Variants in EXOC2 observed in about 807,000 individuals in gnomAD.
EXOC2 encodes the protein SEC5-like 1.
A neutral mutation model predicts 131.8 loss-of-function variants in EXOC2; 70 were observed. The ratio of observed to expected loss-of-function variants is 0.53; its 90% CI spans 0.44 to 0.65. The LOEUF (loss-of-function observed/expected upper bound fraction) is 0.65. Among genes scored for constraint, EXOC2 ranks in the 30% least tolerant of loss-of-function variants. EXOC2 has a pLI of 0.00. For missense variants in EXOC2, 923 were observed against 1,108.6 expected, an observed-to-expected ratio of 0.83 and a Z score of 2.38; for synonymous variants, 411 against 398.4, an observed-to-expected ratio of 1.03 and a Z score of -0.38.
At chr6:607,083 G>A (rs975245536) in intron 7 of EXOC2, among the ~76,000 whole-genome samples, 1 of 152,142 alleles carries the variant, frequency 6.6e-6, no homozygotes, top group East Asian at 1.9e-4. Flanking sequence ...TTTACACAGC[G>A]ACGTGTGAAT....
chr6:501,661 CT>C (rs1451189512), intron 23 of EXOC2, among the ~76,000 whole-genome samples: 8 of 104,776 alleles, frequency 7.6e-5, no homozygotes, highest in Non-Finnish European at 1.3e-4. Flanking sequence ...ATAGATATAT[CT>C]ATCTATAAAA....
At position 572,533 on chromosome 6, in the gene EXOC2, C is replaced by T. The variant is rs770739603; in HGVS notation, c.1430G>A (p.Ser477Asn). ...CCGTATACACACCTCACTGAAGAGGCTTCCATTAACGTAGGAGATCCAGAG... is the reference window on the plus strand; with the variant it reads ...CCGTATACACACCTCACTGAAGAGGTTTCCATTAACGTAGGAGATCCAGAG... Reference protein sequence around the residue: ...WKLWISYVNGSLFSETAEKSG... With the variant: ...WKLWISYVNGNLFSETAEKSG... Residue 477 changes from serine (S) to asparagine (N), a missense_variant, in exon 13 of 28, where the codon AGC becomes AAC. By Grantham distance (46) the Ser-to-Asn change is conservative (BLOSUM62 1). Transcript: ENST00000230449. The T allele has an allele frequency of 1.9e-6, 3 of 1,614,006 alleles. No individual in the cohort carries two copies. Among genetic ancestry groups the T allele is most frequent in the Non-Finnish European group, 2.5e-6 (3 of 1,179,958 alleles).
chr6:619,271 C>A (rs1332756328), intron 5 of EXOC2, among the ~76,000 whole-genome samples, 159 bp downstream of exon 5: 3 of 152,190 alleles, frequency 2.0e-5, no homozygotes, highest in African/African-American at 4.8e-5. Flanking sequence ...GAAACAGACA[C>A]CCTGAGATGT....
chr6:570,793 G>A (rs534632239), intron 13 of EXOC2, among the ~76,000 whole-genome samples: 2 of 152,282 alleles, frequency 1.3e-5, no homozygotes, highest in Non-Finnish European at 2.9e-5. Flanking sequence ...AGTGTTCTGC[G>A]TGAAAACCTA....
At chr6:508,086 T>C (rs1764661391) in intron 23 of EXOC2, among the ~76,000 whole-genome samples, 1 of 152,268 alleles carries the variant, frequency 6.6e-6, no homozygotes, top group African/African-American at 2.4e-5. Context: ...ATTCTCTTCT[T>C]GAAACTTGCT....
intron 4 of EXOC2, among the ~76,000 whole-genome samples, chr6:621,532 G>A (rs774713759): frequency 6.6e-5 from 10 of 152,138 alleles, no homozygotes; most frequent in East Asian, 1.9e-4. Flanking sequence ...ATTCACATTC[G>A]GTAACACTGT....
intron 25 of EXOC2, among the ~76,000 whole-genome samples, chr6:494,908 G>A (rs1763625431): frequency 6.6e-6 from 1 of 152,094 alleles, no homozygotes; most frequent in South Asian, 2.1e-4. Context: ...GAGAAAGGGT[G>A]TCACTCTGTC....
At chr6:594,431 T>G (rs1759704410) in intron 10 of EXOC2, among the ~76,000 whole-genome samples, 1 of 152,224 alleles carries the variant, frequency 6.6e-6, no homozygotes, top group Non-Finnish European at 1.5e-5. Context: ...CTGCAACGCT[T>G]TCTCCTAACA....
At chr6:566,521 C>T (rs776715590) in intron 13 of EXOC2, among the ~76,000 whole-genome samples, 2 of 152,170 alleles carry the variant, frequency 1.3e-5, no homozygotes, top group South Asian at 2.1e-4. Context: ...CTAACACCAG[C>T]GGCTCTGAGT....
intron 23 of EXOC2, among the ~76,000 whole-genome samples, chr6:507,093 TACAC>T (rs752368639): frequency 9.9e-4 from 86 of 87,050 alleles, no homozygotes; most frequent in South Asian, 4.2e-3. Flanking sequence ...AGTGACTACA[TACAC>T]ACACACACAC....
chr6:641,316 G>C (rs1762343996), intron 1 of EXOC2, among the ~76,000 whole-genome samples: 1 of 152,140 alleles, frequency 6.6e-6, no homozygotes, highest in South Asian at 2.1e-4. Flanking sequence ...TCTGTCCCTG[G>C]TTTCTGGGAG....
chr6:556,562 T>C lies in EXOC2; in HGVS notation c.1854A>G (p.Pro618=), dbSNP rs149172088. 1.5e-5 allele frequency: 25 copies of C among 1,614,020 alleles called. No homozygotes were observed. The African/African-American group carries it at 3.2e-4, about 21-fold the overall frequency. ...IVDNEGLTSL[P]CQFEQCIVCS... is the part of the protein sequence containing the mutation. Reference sequence around the variant, plus strand: ...ACACGATGCACTGTTCAAACTGACATGGCTGAAGGGAAAACAGCATATTGT... The same window carrying C: ...ACACGATGCACTGTTCAAACTGACACGGCTGAAGGGAAAACAGCATATTGT... Residue 618 remains proline, a splice_region_variant and synonymous_variant, in exon 18 of 28, where the codon CCA becomes CCG. Coordinates refer to ENST00000230449, the MANE Select transcript of EXOC2 (RefSeq NM_018303.6).
At chr6:501,184 T>C (rs533325723) in intron 23 of EXOC2, among the ~76,000 whole-genome samples, 340 of 20,350 alleles carry the variant, frequency 0.017, 94 homozygotes, top group Non-Finnish European at 0.027. Context: ...ATCTATATAT[T>C]ATATATATCT....
chr6:557,336 T>C (rs993366444), intron 17 of EXOC2, among the ~76,000 whole-genome samples: 3 of 151,816 alleles, frequency 2.0e-5, no homozygotes, highest in Admixed American at 6.6e-5. Context: ...GAAGTAGAAT[T>C]TGGCCGGGCG....
chr6:588,611 C>A (rs529383624), intron 11 of EXOC2, among the ~76,000 whole-genome samples: 12 of 152,350 alleles, frequency 7.9e-5, no homozygotes, highest in African/African-American at 2.4e-4. Context: ...CCTCGGCCTC[C>A]CAAAGTGTTG....
At position 513,966 on chromosome 6, in the gene EXOC2, T is replaced by G. The variant is rs72835915; in HGVS notation, c.2381-14266A>C. Among the ~76,000 whole-genome samples the G allele has an allele frequency of 7.2e-4, 109 of 152,364 alleles. 1 individual carries two copies. The Middle Eastern group carries it at 0.017, about 24-fold the overall frequency. On this transcript the variant is annotated intron_variant, in intron 23 of 27. Transcript: ENST00000230449. ...AATTGTACTATTTTTAGACTCTTGA[T>G]ACAATGTAGAGTTTAAGCACATTGA... is the stretch of plus-strand genomic sequence containing the variant.
intron 1 of EXOC2, among the ~76,000 whole-genome samples, chr6:660,939 T>C (rs1443272994): frequency 6.6e-6 from 1 of 152,004 alleles, no homozygotes; most frequent in Non-Finnish European, 1.5e-5. Context: ...TTCAAGGAAA[T>C]AGATAGCTTA....
intron 22 of EXOC2, among the ~76,000 whole-genome samples, chr6:535,890 CCAAA>C (rs1304816030): frequency 1.3e-5 from 2 of 151,964 alleles, no homozygotes; most frequent in African/African-American, 2.4e-5. Context: ...ACATAAAAAC[CCAAA>C]CAAACTATTG....
At position 549,162 on chromosome 6, in the gene EXOC2, T is replaced by A. The variant is rs1757015202; in HGVS notation, c.2238+13A>T. 1.2e-6 allele frequency: 2 copies of A among 1,603,340 alleles called. No homozygotes were observed. ...AAACCACCGACTTGTGCGTTTTACATGAACTCGCTTACCTGTGTGATTTTT... is the reference window on the plus strand; with the variant it reads ...AAACCACCGACTTGTGCGTTTTACAAGAACTCGCTTACCTGTGTGATTTTT... On this transcript the variant is annotated intron_variant, in intron 22 of 27. Transcript: ENST00000230449.
Sources: gnomAD v4.1 joint callset for allele counts (sites outside exome capture counted in the v4.1 genomes callset) on GRCh38, gnomAD v4.1.1 for gene constraint, MANE v1.5 for transcripts, NCBI Gene and HGNC (gene_info 2026-07-23, HGNC 2026-07-21) for gene names.